The following PDZD2 variants were observed in gnomAD, a reference collection of about 807,000 sequenced individuals.
The protein encoded by PDZD2 is PDZ domain-containing protein 2.
A neutral mutation model predicts 220.7 loss-of-function variants in PDZD2; 90 were observed. The ratio of observed to expected loss-of-function variants is 0.41; its 90% CI spans 0.34 to 0.49. The LOEUF is 0.49. Among genes scored for constraint, PDZD2 ranks in the 20% least tolerant of loss-of-function variants. PDZD2 has a pLI of 0.28. For synonymous variants in PDZD2, 1,375 were observed against 1,450.5 expected, an observed-to-expected ratio of 0.95 and a Z score of 1.18; for missense variants, 3,174 against 3,608.5, an observed-to-expected ratio of 0.88 and a Z score of 3.08.
chr5:31,695,621 C>T (rs443353), intron 1 of PDZD2, among the ~76,000 whole-genome samples: 50,452 of 152,066 alleles, frequency 0.33, 9,941 homozygotes, highest in African/African-American at 0.56. Flanking sequence ...AATTTTGTGC[C>T]CAAGGCCCTC....
At chr5:32,071,553 G>C in intron 16 of PDZD2, 135 bp downstream of exon 16, 1 of 716,034 alleles carries the variant, frequency 1.4e-6, no homozygotes. Context: ...ACAGGAAATC[G>C]CAACAATGCT....
chr5:31,962,761 C>T (rs1205523806), intron 2 of PDZD2, among the ~76,000 whole-genome samples: 1 of 152,146 alleles, frequency 6.6e-6, no homozygotes, highest in East Asian at 1.9e-4. Context: ...GGGAACAGTG[C>T]CACAAGGGAA....
chr5:32,093,105 G>A (rs751091521), intron 21 of PDZD2, 81 bp downstream of exon 21: 25 of 750,254 alleles, frequency 3.3e-5, no homozygotes, highest in Middle Eastern at 4.9e-4. Context: ...CCAGACAGCC[G>A]AGGAGAGCCC....
At chr5:31,728,221 T>C (rs1281408098) in intron 1 of PDZD2, among the ~76,000 whole-genome samples, 2 of 151,822 alleles carry the variant, frequency 1.3e-5, no homozygotes, top group African/African-American at 4.8e-5. Context: ...AGCACAGCAC[T>C]CCCCCATGTC....
Position 32,000,257 on chromosome 5 carries a change from G to T in PDZD2, c.1240G>T (p.Val414Leu). ...CTCCGCCACGGGAATGGTGCAGCTT[G>T]TGGTGGCCAGCAAGGTAGGTCGTGT... The part of the protein sequence containing the change: ...LRSATGMVQL[V>L]VASKENSAED... The change falls in exon 5 of 25, where the codon GTG becomes TTG. Residue 414 changes from valine to leucine, a missense_variant. This residue lies in a region of PDZD2 where 632 missense variants were observed against 708.1 expected (regional missense o/e 0.89). Coordinates refer to ENST00000438447, the MANE Select transcript of PDZD2 (RefSeq NM_178140.4). This position sits in a 1 kb window ranked among gnomAD's most constrained non-coding sequence, Gnocchi z 4.5. 6.2e-7 allele frequency: 1 copy of T among 1,614,156 alleles called. No homozygotes were observed. The highest frequency in any genetic ancestry group is 1.1e-5 in the South Asian group (1 of 91,090).
intron 1 of PDZD2, among the ~76,000 whole-genome samples, chr5:31,644,580 C>T (rs1385060293): frequency 6.6e-6 from 1 of 152,176 alleles, no homozygotes; most frequent in East Asian, 1.9e-4. Flanking sequence ...GTCTTTTAAG[C>T]CTCTCCAGCT....
At chr5:32,039,461 C>G (rs1755847396) in intron 7 of PDZD2, among the ~76,000 whole-genome samples, 1 of 149,872 alleles carries the variant, frequency 6.7e-6, no homozygotes, top group Admixed American at 7.2e-5. Flanking sequence ...GCTACAACCT[C>G]CACCTCCCAG....
chr5:31,890,159 A>C (rs1345381200), intron 2 of PDZD2, among the ~76,000 whole-genome samples: 2 of 43,660 alleles, frequency 4.6e-5, no homozygotes, highest in Admixed American at 3.3e-4. Flanking sequence ...TTTTTTGTGG[A>C]GAGAAATCCA....
chr5:31,991,137 C>T (rs1272415603), intron 3 of PDZD2, among the ~76,000 whole-genome samples: 1 of 152,156 alleles, frequency 6.6e-6, no homozygotes, highest in Non-Finnish European at 1.5e-5. Context: ...GAGTTTGAAC[C>T]TTATTCTCGG....
At chr5:31,960,637 G>C (rs1312424680) in intron 2 of PDZD2, among the ~76,000 whole-genome samples, 1 of 151,942 alleles carries the variant, frequency 6.6e-6, no homozygotes, top group African/African-American at 2.4e-5. Flanking sequence ...GCTAACTCCT[G>C]CTGGACCACG....
intron 2 of PDZD2, among the ~76,000 whole-genome samples, chr5:31,812,472 T>C (rs1358062231): frequency 1.3e-5 from 2 of 152,070 alleles, no homozygotes; most frequent in Non-Finnish European, 2.9e-5. Context: ...CTTTTTTTTT[T>C]CTGTCCCCCA....
At chr5:32,053,909 A>G in intron 10 of PDZD2, 26 bp downstream of exon 10, 2 of 1,233,258 alleles carry the variant, frequency 1.6e-6, no homozygotes, top group Non-Finnish European at 2.4e-6. Context: ...TTGTATCCTC[A>G]GTGACAGTGA....
Position 32,108,123 on chromosome 5 carries a change from G to T in PDZD2, c.8508G>T (p.Arg2836Ser). The T allele has an allele frequency of 6.3e-7, 1 of 1,587,472 alleles. No homozygotes were observed. The highest frequency in any genetic ancestry group is 8.6e-7 in the Non-Finnish European group (1 of 1,165,764). Residue 2836 changes from arginine (R) to serine (S), a missense_variant, in exon 25 of 25, where the codon AGG (arginine) becomes AGT (serine). Coordinates refer to ENST00000438447, the MANE Select transcript of PDZD2 (RefSeq NM_178140.4). ...TGCAGTTATTAATTAGAAAGCATAGGAATTCTTCATGAATTTTAACAAGAA... is the reference window on the plus strand; with the variant it reads ...TGCAGTTATTAATTAGAAAGCATAGTAATTCTTCATGAATTTTAACAAGAA... ...GPVQLLIRKH[R>S]NSS
intron 6 of PDZD2, among the ~76,000 whole-genome samples, chr5:32,012,677 C>T (rs1382817442): frequency 2.0e-5 from 3 of 151,776 alleles, no homozygotes; most frequent in Non-Finnish European, 2.9e-5. Flanking sequence ...CGTGAGCCAC[C>T]GCACCTGGCC....
intron 2 of PDZD2, among the ~76,000 whole-genome samples, chr5:31,854,409 A>G (rs945983362): frequency 1.3e-5 from 2 of 152,156 alleles, no homozygotes; most frequent in African/African-American, 4.8e-5. Flanking sequence ...GGCGATTGTA[A>G]TTCAGCGGTG....
intron 1 of PDZD2, among the ~76,000 whole-genome samples, chr5:31,734,331 G>GT (rs913228293): frequency 7.2e-5 from 11 of 152,052 alleles, no homozygotes; most frequent in Non-Finnish European, 1.0e-4. Context: ...GTTTTGTTTT[G>GT]TTTTTTGAGA....
intron 1 of PDZD2, among the ~76,000 whole-genome samples, chr5:31,674,543 T>G (rs761281782): frequency 6.6e-6 from 1 of 152,198 alleles, no homozygotes; most frequent in South Asian, 2.1e-4. Flanking sequence ...ACCGCTGAAT[T>G]GGGCAATTAG....
intron 2 of PDZD2, among the ~76,000 whole-genome samples, chr5:31,940,162 C>T (rs758232037): frequency 3.3e-5 from 5 of 152,184 alleles, no homozygotes; most frequent in Non-Finnish European, 7.3e-5. Context: ...CATGGAGATC[C>T]CGACTGGAGC....
At chr5:32,023,746 A>G (rs923537081) in intron 6 of PDZD2, among the ~76,000 whole-genome samples, 29 of 152,284 alleles carry the variant, frequency 1.9e-4, no homozygotes, top group African/African-American at 7.0e-4. Context: ...GGCAGTGGGG[A>G]GATGGGTAGG....
Sources: allele counts gnomAD v4.1 joint callset (sites outside exome capture counted in the v4.1 genomes callset), GRCh38; gene constraint gnomAD v4.1.1; regional missense constraint gnomAD v4.1.1; non-coding constraint Gnocchi (gnomAD v3.1); transcripts MANE v1.5; gene names NCBI Gene and HGNC (gene_info 2026-07-23, HGNC 2026-07-21).